Variants in SLC25A25 observed in about 807,000 individuals in gnomAD.
SLC25A25 encodes mitochondrial adenyl nucleotide antiporter SLC25A25.
In SLC25A25, 32 loss-of-function variants were observed where a neutral mutation model predicts 57.7. The ratio of observed to expected loss-of-function variants is 0.55; its 90% CI spans 0.42 to 0.74. SLC25A25 has a LOEUF of 0.74. SLC25A25 is among the 30% of genes least tolerant of loss of function. The pLI is 0.00. For missense variants in SLC25A25, 556 were observed against 701.3 expected (o/e 0.79, Z 2.34); for synonymous variants, 306 against 291.2 (o/e 1.05, Z -0.52).
chr9:128,107,190 C>T lies in SLC25A25; in HGVS notation c.1363+11C>T. Reference sequence around the variant, plus strand: ...GGATGCAGGCGCAAGGTAAGGCTGGCCCTGGACAGTCCCCTGGGAGGTCGG... The same window carrying T: ...GGATGCAGGCGCAAGGTAAGGCTGGTCCTGGACAGTCCCCTGGGAGGTCGG... On this transcript the variant is annotated intron_variant, in intron 10 of 10. Coordinates refer to ENST00000373069, the MANE Select transcript of SLC25A25 (RefSeq NM_001330988.2). 6.2e-7 allele frequency: 1 copy of T among 1,613,612 alleles called. No homozygotes were observed. The highest frequency in any genetic ancestry group is 8.5e-7 in the Non-Finnish European group (1 of 1,179,922).
In SLC25A25 at chr9:128,101,984, CT is replaced by C. The variant is rs929953639; in HGVS notation, c.477-95del. The C allele has an allele frequency of 2.8e-6, 4 of 1,417,380 alleles. No homozygotes were observed. The highest frequency in any genetic ancestry group is 2.8e-5 in the African/African-American group (2 of 70,436). 87.8% of individuals were successfully genotyped at this position (1,417,380 alleles called of 1,614,324 possible). On this transcript the variant is annotated intron_variant, in intron 3 of 10. Transcript: ENST00000373069. This position sits in a 1 kb window ranked among gnomAD's most constrained non-coding sequence, Gnocchi z 4.9. ...GCTCGTCTCGTGCCGTGCTGTGCCC[CT>C]GTCTCTGGGTGTGTGCTTGCTTCAC...
At chr9:128,085,249 T>C (rs1307337184) in intron 1 of SLC25A25, among the ~76,000 whole-genome samples, 2 of 152,046 alleles carry the variant, frequency 1.3e-5, no homozygotes, top group East Asian at 1.9e-4. Context: ...GAGAATCACT[T>C]GAAGCCAGGA....
chr9:128,070,870 AACCCGGG>A, intron 1 of SLC25A25, among the ~76,000 whole-genome samples: 1 of 150,978 alleles, frequency 6.6e-6, no homozygotes, highest in Non-Finnish European at 1.5e-5. Context: ...GAATCGCTTG[AACCCGGG>A]AGGCGGAGAT....
chr9:128,082,919 G>C (rs1041581885), intron 1 of SLC25A25, among the ~76,000 whole-genome samples: 2 of 152,012 alleles, frequency 1.3e-5, no homozygotes, highest in East Asian at 3.9e-4. Context: ...CGCCCGGCCT[G>C]TACATCTGCT....
At position 128,091,946 on chromosome 9, in the gene SLC25A25, G is replaced by T. The variant is rs755208661; in HGVS notation, c.262-9150G>T. ...GTGCCACGGCTCCAGAGAGGGGGAC[G>T]ATCGTGAAGTCAGAGGCACCCCAGC... On this transcript the variant is annotated intron_variant, in intron 1 of 10. Coordinates refer to ENST00000373069, the MANE Select transcript of SLC25A25 (RefSeq NM_001330988.2). 6 of 1,613,786 alleles carry T rather than the reference G, an allele frequency of 3.7e-6. No individual in the cohort carries two copies. The Admixed American group carries it at 1.0e-4, about 27-fold the overall frequency.
chr9:128,102,839 T>C lies in SLC25A25; in HGVS notation c.624+358T>C, dbSNP rs1056123795. ...AGCCTTCCCCCCGGTGGGAGGGGGC[T>C]GGGGCAGAAGCTACTCTACAGAGAA... On this transcript the variant is annotated intron_variant, in intron 5 of 10. Transcript: ENST00000373069. The surrounding 1 kb of genome is among the most constrained non-coding windows in gnomAD (Gnocchi z 4.1). 3.9e-5 allele frequency among the ~76,000 whole-genome samples: 6 copies of C among 152,192 alleles called. No individual in the cohort carries two copies. The highest frequency in any genetic ancestry group is 3.9e-4 in the Admixed American group (6 of 15,282).
At chr9:128,083,193 A>G (rs1833192150) in intron 1 of SLC25A25, among the ~76,000 whole-genome samples, 1 of 149,230 alleles carries the variant, frequency 6.7e-6, no homozygotes, top group Non-Finnish European at 1.5e-5. Flanking sequence ...GTACCATTGC[A>G]CTCCAGCCTA....
In SLC25A25 at chr9:128,073,419, A is replaced by C. The variant is rs1832946897; in HGVS notation, c.261+4839A>C. On this transcript the variant is annotated intron_variant, in intron 1 of 10. Coordinates refer to ENST00000373069, the MANE Select transcript of SLC25A25 (RefSeq NM_001330988.2). ...GAGCAGTGCACATGAGGCAATCCCT[A>C]TTGACTTGAAATTATTGAATGGAGA... Among the ~76,000 whole-genome samples, 3 of 152,176 alleles carry C rather than the reference A, an allele frequency of 2.0e-5. No homozygotes were observed. The South Asian group carries it at 6.2e-4, about 31-fold the overall frequency.
At chr9:128,086,728 A>C (rs1198539404) in intron 1 of SLC25A25, among the ~76,000 whole-genome samples, 2 of 152,008 alleles carry the variant, frequency 1.3e-5, no homozygotes, top group Admixed American at 6.6e-5. Context: ...CTCCCGCCTC[A>C]GCCTCCCAAA....
At position 128,103,636 on chromosome 9, in the gene SLC25A25, T is replaced by C. The variant is rs377354040; in HGVS notation, c.625-45T>C. The stretch of plus-strand genomic sequence containing the variant: ...AGACGGCGACAGGTGCCAGCAGCCT[T>C]GCCCCAAGGGTCCTGAGTCAGGCTT... On this transcript the variant is annotated intron_variant, in intron 5 of 10. Coordinates refer to ENST00000373069, the MANE Select transcript of SLC25A25 (RefSeq NM_001330988.2). The surrounding 1 kb of genome is among the most constrained non-coding windows in gnomAD (Gnocchi z 6.7). 10 of 1,613,612 alleles carry C rather than the reference T, an allele frequency of 6.2e-6. No homozygotes were observed. Among genetic ancestry groups the C allele is most frequent in the Non-Finnish European group, 6.8e-6 (8 of 1,179,758 alleles).
intron 1 of SLC25A25, chr9:128,098,586 AT>A: frequency 1.6e-5 from 26 of 1,614,056 alleles, no homozygotes; most frequent in Non-Finnish European, 2.2e-5. Context: ...CTGTGCCTGT[AT>A]GTGCCGGTCA....
At chr9:128,100,849 C>A in intron 1 of SLC25A25, 1 of 507,666 alleles carries the variant, frequency 2.0e-6, no homozygotes, top group Non-Finnish European at 3.5e-6. Flanking sequence ...TGTTTCCTCT[C>A]TGCTTGAGAG....
intron 1 of SLC25A25, among the ~76,000 whole-genome samples, chr9:128,081,796 C>T (rs1833161263): frequency 6.6e-6 from 1 of 152,014 alleles, no homozygotes; most frequent in African/African-American, 2.4e-5. Context: ...CCAGGCATGC[C>T]TGTGGTCCCA....
Position 128,068,306 on chromosome 9 carries a change from C to T in SLC25A25, c.-14C>T. On this transcript the variant is annotated 5_prime_UTR_variant, in exon 1 of 11. Transcript: ENST00000373069. ...CCGCTCCCGCCCGCGCCCGGAGCCC[C>T]TGCCTCGCGCCCGATGGTGAGCAGT... is the stretch of plus-strand genomic sequence containing the variant. 2.2e-6 allele frequency: 3 copies of T among 1,368,598 alleles called. No homozygotes were observed. The highest frequency in any genetic ancestry group is 1.9e-6 in the Non-Finnish European group (2 of 1,059,810). The allele number at this position is 1,368,598 out of a possible 1,614,324, so 84.8% of individuals were successfully genotyped here. A position where few individuals can be genotyped will look rare whatever the true frequency, so the allele number is the denominator to read the frequency against.
intron 1 of SLC25A25, among the ~76,000 whole-genome samples, chr9:128,087,441 C>T (rs1447139875): frequency 6.6e-6 from 1 of 152,076 alleles, no homozygotes. Flanking sequence ...CCCAGTCATT[C>T]TTATCTGTAT....
rs757342831 is a variant in SLC25A25, at chr9:128,091,546, CTT to C, written c.262-9536_262-9535del. 6,271 of 827,286 alleles carry C rather than the reference CTT, an allele frequency of 7.6e-3. 11 individuals are homozygous for C. Among genetic ancestry groups the C allele is most frequent in the African/African-American group, 0.022 (1,089 of 50,020 alleles). 51.2% of individuals were successfully genotyped at this position (827,286 alleles called of 1,614,324 possible). On this transcript the variant is annotated intron_variant, in intron 1 of 10. Transcript: ENST00000373069. Reference sequence around the variant, plus strand: ...TGCTTGGCTGTCGCGTTTTCCTTTTCTTTTTTTTTTTTTTTAAAAAAAAGCCA... The same window carrying C: ...TGCTTGGCTGTCGCGTTTTCCTTTTCTTTTTTTTTTTTTAAAAAAAAGCCA...
intron 1 of SLC25A25, chr9:128,098,941 G>A (rs1833673614): frequency 1.0e-6 from 1 of 985,350 alleles, no homozygotes; most frequent in Non-Finnish European, 1.2e-6. Context: ...TTCCAGCGAA[G>A]GCTGTTGTGA....
rs1490148370 is a variant in SLC25A25 at position 128,095,330 on chromosome 9, C to T, written c.262-5766C>T. Among the ~76,000 whole-genome samples, 1 of 152,170 alleles carries T rather than the reference C, an allele frequency of 6.6e-6. No individual in the cohort carries two copies. The highest frequency in any genetic ancestry group is 2.4e-5 in the African/African-American group (1 of 41,430). ...ACCCTGGGTGCAAGGCCCTGCCCTG[C>T]CCTTGACAGGCTTTGGGAATTGGGC... is the stretch of plus-strand genomic sequence containing the variant. On this transcript the variant is annotated intron_variant, in intron 1 of 10. Transcript: ENST00000373069. This position sits in a 1 kb window ranked among gnomAD's most constrained non-coding sequence, Gnocchi z 4.4.
chr9:128,104,381 C>T (rs1422120729), intron 6 of SLC25A25, among the ~76,000 whole-genome samples: 1 of 152,184 alleles, frequency 6.6e-6, no homozygotes, highest in Non-Finnish European at 1.5e-5. Flanking sequence ...GCCAGGAGCC[C>T]GGCTTGGAAG....
Sources: gnomAD v4.1 joint callset for allele counts (sites outside exome capture counted in the v4.1 genomes callset) on GRCh38, gnomAD v4.1.1 for gene constraint, Gnocchi (gnomAD v3.1) non-coding constraint, MANE v1.5 for transcripts, NCBI Gene and HGNC (gene_info 2026-07-23, HGNC 2026-07-21) for gene names.